Variants in CLSTN2 observed in about 807,000 individuals in gnomAD.
The protein encoded by CLSTN2 is calsyntenin-2.
In CLSTN2, 48 loss-of-function variants were observed where a neutral mutation model predicts 101.2. The ratio of observed to expected loss-of-function variants is 0.47; its 90% CI spans 0.38 to 0.60. The LOEUF is 0.60. Among genes scored for constraint, CLSTN2 ranks in the 20% least tolerant of loss-of-function variants. CLSTN2 has a pLI of 0.00. For missense variants in CLSTN2, 1,160 were observed against 1,238.2 expected (o/e 0.94, Z 0.95); for synonymous variants, 481 against 463.6 (o/e 1.04, Z -0.48).
intron 1 of CLSTN2, among the ~76,000 whole-genome samples, chr3:140,019,269 C>T (rs987757366): frequency 6.6e-6 from 1 of 152,338 alleles, no homozygotes; most frequent in South Asian, 2.1e-4. Context: ...GTTATTAACA[C>T]TTAAATCAGT....
intron 5 of CLSTN2, among the ~76,000 whole-genome samples, chr3:140,438,901 G>A (rs967501321): frequency 2.6e-5 from 4 of 152,206 alleles, no homozygotes; most frequent in South Asian, 2.1e-4. Context: ...TAGGGTTGAA[G>A]GGACTGGGAG....
At chr3:140,298,339 T>C (rs527719830) in intron 2 of CLSTN2, among the ~76,000 whole-genome samples, 8 of 152,222 alleles carry the variant, frequency 5.3e-5, no homozygotes, top group Non-Finnish European at 7.3e-5. Context: ...CCATAATCTA[T>C]GTAAAGTCCT....
At chr3:140,133,474 C>A (rs1454910942) in intron 1 of CLSTN2, among the ~76,000 whole-genome samples, 1 of 152,132 alleles carries the variant, frequency 6.6e-6, no homozygotes, top group Non-Finnish European at 1.5e-5. Context: ...TGTGTTTGTA[C>A]CTAAGGTGTC....
chr3:140,122,322 T>A (rs150714828), intron 1 of CLSTN2, among the ~76,000 whole-genome samples: 1 of 152,324 alleles, frequency 6.6e-6, no homozygotes, highest in Non-Finnish European at 1.5e-5. Flanking sequence ...GAGGCAAGCC[T>A]GGCTGGCCCC....
intron 5 of CLSTN2, among the ~76,000 whole-genome samples, chr3:140,438,516 G>A (rs73228993): frequency 3.8e-5 from 5 of 130,866 alleles, no homozygotes; most frequent in African/African-American, 8.8e-5. Flanking sequence ...ATATGAAAAA[G>A]TATACATAAG....
chr3:140,552,401 TAAAAA>T (rs5852986), intron 10 of CLSTN2, among the ~76,000 whole-genome samples: 2 of 138,828 alleles, frequency 1.4e-5, no homozygotes, highest in African/African-American at 2.6e-5. Context: ...TACCGCAGTT[TAAAAA>T]AAAAAAAAAA....
At chr3:139,938,894 G>C (rs891899049) in intron 1 of CLSTN2, among the ~76,000 whole-genome samples, 1 of 152,014 alleles carries the variant, frequency 6.6e-6, no homozygotes, top group Non-Finnish European at 1.5e-5. Context: ...CTGGTTCTGA[G>C]CCAGTAGCAG....
At chr3:140,320,492 C>T (rs1483680908) in intron 2 of CLSTN2, among the ~76,000 whole-genome samples, 1 of 151,976 alleles carries the variant, frequency 6.6e-6, no homozygotes, top group Non-Finnish European at 1.5e-5. Flanking sequence ...TACTTTTTAC[C>T]TGTTGGCACT....
chr3:140,268,113 G>A (rs559184869), intron 2 of CLSTN2, among the ~76,000 whole-genome samples: 20 of 152,244 alleles, frequency 1.3e-4, no homozygotes, highest in East Asian at 1.9e-4. Context: ...GGGGTGAACC[G>A]CTGGCTGCCC....
At chr3:140,091,431 C>T (rs1296363225) in intron 1 of CLSTN2, among the ~76,000 whole-genome samples, 1 of 152,200 alleles carries the variant, frequency 6.6e-6, no homozygotes, top group Non-Finnish European at 1.5e-5. Context: ...CAGTGAGTAG[C>T]TGCCTTCCTT....
intron 5 of CLSTN2, among the ~76,000 whole-genome samples, chr3:140,437,567 G>A (rs927661525): frequency 3.3e-5 from 5 of 152,338 alleles, no homozygotes; most frequent in Non-Finnish European, 7.3e-5. Context: ...AGCACTCCAT[G>A]TCTAATGCAT....
intron 2 of CLSTN2, among the ~76,000 whole-genome samples, chr3:140,331,073 A>G (rs1035588298): frequency 2.0e-5 from 3 of 152,202 alleles, no homozygotes; most frequent in Non-Finnish European, 4.4e-5. Context: ...TCCATCTCCA[A>G]AAGCCTCACA....
chr3:140,500,567 GT>G (rs1418520317), intron 8 of CLSTN2, among the ~76,000 whole-genome samples: 1 of 152,150 alleles, frequency 6.6e-6, no homozygotes. Flanking sequence ...TTAGTGTTGT[GT>G]TTTTATTGTT....
intron 2 of CLSTN2, among the ~76,000 whole-genome samples, chr3:140,202,251 G>A (rs1189284094): frequency 6.6e-6 from 1 of 152,240 alleles, no homozygotes; most frequent in Non-Finnish European, 1.5e-5. Context: ...CAAGAGCAGT[G>A]TCAGGGAGAC....
intron 5 of CLSTN2, among the ~76,000 whole-genome samples, chr3:140,444,271 A>T (rs1210563955): frequency 1.3e-5 from 2 of 152,122 alleles, no homozygotes; most frequent in Admixed American, 6.6e-5. Context: ...CTCTACTAAA[A>T]ATACAAAAAT....
At chr3:139,995,819 A>C (rs564817646) in intron 1 of CLSTN2, among the ~76,000 whole-genome samples, 1 of 152,348 alleles carries the variant, frequency 6.6e-6, no homozygotes, top group South Asian at 2.1e-4. Flanking sequence ...AGGAACTTTA[A>C]TAGATGGAAG....
At chr3:139,949,605 C>G (rs1304757710) in intron 1 of CLSTN2, among the ~76,000 whole-genome samples, 1 of 152,186 alleles carries the variant, frequency 6.6e-6, no homozygotes, top group Non-Finnish European at 1.5e-5. Flanking sequence ...TGAGCCTCTG[C>G]AGCAATTTCC....
chr3:140,017,616 G>A (rs2007227061), intron 1 of CLSTN2, among the ~76,000 whole-genome samples: 1 of 152,220 alleles, frequency 6.6e-6, no homozygotes, highest in South Asian at 2.1e-4. Context: ...CTAGGCTCAA[G>A]GCACTGTGTG....
chr3:140,269,665 G>C (rs908644206), intron 2 of CLSTN2, among the ~76,000 whole-genome samples: 2 of 152,170 alleles, frequency 1.3e-5, no homozygotes, highest in Non-Finnish European at 2.9e-5. Context: ...CCCACTTCTT[G>C]AACCGATGGG....
Sources: gnomAD v4.1 joint callset for allele counts (sites outside exome capture counted in the v4.1 genomes callset) on GRCh38, gnomAD v4.1.1 for gene constraint, MANE v1.5 for transcripts, NCBI Gene and HGNC (gene_info 2026-07-23, HGNC 2026-07-21) for gene names.